ASTN2: variants seen among roughly 807,000 people sequenced by gnomAD.
ASTN2 encodes the protein astrotactin-2.
In ASTN2, 54 loss-of-function variants were observed where a neutral mutation model predicts 139.8. The ratio of observed to expected loss-of-function variants is 0.39; its 90% CI spans 0.31 to 0.48. The LOEUF (loss-of-function observed/expected upper bound fraction) is 0.48, where lower values mean the gene tolerates loss of function less well. Ranked by LOEUF, ASTN2 falls within the 20% of genes least tolerant of loss-of-function variation. The pLI, the probability that ASTN2 is intolerant of heterozygous loss-of-function variation, is 0.95. For synonymous variants in ASTN2, 756 were observed against 719.5 expected, an observed-to-expected ratio of 1.05 and a Z score of -0.81; for missense variants, 1,565 against 1,725.1, an observed-to-expected ratio of 0.91 and a Z score of 1.64.
intron 4 of ASTN2, among the ~76,000 whole-genome samples, chr9:117,113,637 CAA>C (rs1554779769): frequency 6.6e-6 from 1 of 151,230 alleles, no homozygotes; most frequent in Non-Finnish European, 1.5e-5. Flanking sequence ...GCCTGGGCAA[CAA>C]GAGCAAAACT....
chr9:117,334,423 G>A (rs200604654), intron 1 of ASTN2, among the ~76,000 whole-genome samples: 1 of 151,704 alleles, frequency 6.6e-6, no homozygotes, highest in South Asian at 2.1e-4. Context: ...TTTAATATGC[G>A]GAAAACAACA....
At chr9:116,662,648 A>G (rs1858632145) in intron 16 of ASTN2, among the ~76,000 whole-genome samples, 1 of 152,174 alleles carries the variant, frequency 6.6e-6, no homozygotes, top group African/African-American at 2.4e-5. Flanking sequence ...TCTTGTTATT[A>G]TTACTATTAT....
intron 10 of ASTN2, among the ~76,000 whole-genome samples, chr9:116,921,586 TAA>T (rs11371651): frequency 8.9e-5 from 10 of 112,944 alleles, no homozygotes; most frequent in African/African-American, 2.5e-4. Context: ...AGACTCCGTC[TAA>T]AAAAAAAAAA....
At chr9:117,243,634 G>T (rs1350379618) in intron 2 of ASTN2, among the ~76,000 whole-genome samples, 2 of 152,144 alleles carry the variant, frequency 1.3e-5, no homozygotes, top group African/African-American at 4.8e-5. Flanking sequence ...ACGTCACTTG[G>T]CTCGAAGAAT....
At chr9:117,203,309 A>C (rs991429358) in intron 3 of ASTN2, among the ~76,000 whole-genome samples, 3 of 151,762 alleles carry the variant, frequency 2.0e-5, no homozygotes, top group Non-Finnish European at 4.4e-5. Context: ...ATGGTTTTTT[A>C]TTACCCATCT....
intron 1 of ASTN2, among the ~76,000 whole-genome samples, chr9:117,384,348 A>C (rs1564177410): frequency 6.6e-6 from 1 of 152,130 alleles, no homozygotes. Context: ...ACCCAAGATA[A>C]CCTTCACCTG....
intron 10 of ASTN2, among the ~76,000 whole-genome samples, chr9:116,926,730 GA>G (rs1294311475): frequency 2.6e-5 from 4 of 152,148 alleles, no homozygotes; most frequent in Admixed American, 6.6e-5. Flanking sequence ...CTATTTTACA[GA>G]TGAGAAAACT....
At chr9:117,302,421 A>G (rs1174705917) in intron 1 of ASTN2, among the ~76,000 whole-genome samples, 2 of 152,186 alleles carry the variant, frequency 1.3e-5, no homozygotes, top group African/African-American at 4.8e-5. Context: ...TAGAAGAACA[A>G]CGAGACAAGG....
chr9:116,433,900 T>C (rs913426270), intron 22 of ASTN2, among the ~76,000 whole-genome samples: 10 of 152,210 alleles, frequency 6.6e-5, no homozygotes, highest in African/African-American at 2.4e-4. Context: ...TCATAAGACT[T>C]TTCAAAAATG....
intron 16 of ASTN2, among the ~76,000 whole-genome samples, chr9:116,664,656 T>A (rs938747159): frequency 6.6e-6 from 1 of 150,966 alleles, no homozygotes; most frequent in Non-Finnish European, 1.5e-5. Context: ...AAAAAAACAA[T>A]CTCTACAAAT....
At chr9:116,674,470 G>A (rs944255347) in intron 16 of ASTN2, among the ~76,000 whole-genome samples, 15 of 152,294 alleles carry the variant, frequency 9.8e-5, no homozygotes, top group Admixed American at 7.2e-4. Context: ...GCCCTCCCCC[G>A]GAGAGAGCCA....
At chr9:117,120,701 T>C (rs771333638) in intron 4 of ASTN2, among the ~76,000 whole-genome samples, 3 of 152,326 alleles carry the variant, frequency 2.0e-5, no homozygotes, top group Non-Finnish European at 4.4e-5. Context: ...TTCTTTGGAC[T>C]CTGTGTTAAA....
At chr9:117,328,370 G>A (rs934676842) in intron 1 of ASTN2, among the ~76,000 whole-genome samples, 50 of 152,218 alleles carry the variant, frequency 3.3e-4, no homozygotes, top group African/African-American at 1.2e-3. Context: ...AAAAAAGACA[G>A]AAAGAAAGAA....
intron 3 of ASTN2, among the ~76,000 whole-genome samples, chr9:117,200,395 C>T (rs1181419366): frequency 6.6e-6 from 1 of 152,120 alleles, no homozygotes; most frequent in Non-Finnish European, 1.5e-5. Flanking sequence ...ACTTATAATA[C>T]TATGTTAAAT....
chr9:116,970,703 A>G (rs746332464), intron 10 of ASTN2, among the ~76,000 whole-genome samples: 8 of 152,182 alleles, frequency 5.3e-5, no homozygotes, highest in Non-Finnish European at 1.0e-4. Context: ...AACTAACTCA[A>G]TGTGAAAACT....
chr9:116,438,950 C>CA (rs909242056), intron 22 of ASTN2, among the ~76,000 whole-genome samples: 2 of 151,694 alleles, frequency 1.3e-5, no homozygotes. Context: ...AACTCCATGT[C>CA]AAAAAAAGAA....
At chr9:117,171,061 G>C (rs565507055) in intron 3 of ASTN2, among the ~76,000 whole-genome samples, 2 of 152,230 alleles carry the variant, frequency 1.3e-5, no homozygotes, top group African/African-American at 4.8e-5. Flanking sequence ...CCAAGGATGA[G>C]AGCTCTCAGC....
At chr9:116,887,972 T>C (rs1564324162) in intron 10 of ASTN2, among the ~76,000 whole-genome samples, 1 of 152,218 alleles carries the variant, frequency 6.6e-6, no homozygotes, top group Non-Finnish European at 1.5e-5. Context: ...CCAGCCCCAA[T>C]GTGATTTACA....
chr9:117,350,956 G>T (rs938997789), intron 1 of ASTN2, among the ~76,000 whole-genome samples: 1 of 152,158 alleles, frequency 6.6e-6, no homozygotes, highest in Admixed American at 6.5e-5. Flanking sequence ...TGGCACGACC[G>T]CCATGTTGCA....
Sources: gnomAD v4.1 joint callset for allele counts (sites outside exome capture counted in the v4.1 genomes callset) on GRCh38, gnomAD v4.1.1 for gene constraint, MANE v1.5 for transcripts, NCBI Gene and HGNC (gene_info 2026-07-23, HGNC 2026-07-21) for gene names.